The following PFKP variants were observed in gnomAD, a reference collection of about 807,000 sequenced individuals.
PFKP encodes the protein ATP-dependent 6-phosphofructokinase, platelet type.
Under a neutral mutation model 94.3 loss-of-function variants are expected in PFKP, and 101 were observed. That is an observed-to-expected ratio of 1.07 (90% CI 0.91 to 1.26). The LOEUF (loss-of-function observed/expected upper bound fraction) is 1.26, where lower values mean the gene tolerates loss of function less well. PFKP is among the 50% of genes most tolerant of loss of function. The probability of loss-of-function intolerance (pLI) is 0.00; values close to 1 mark genes in which losing one functional copy is unlikely to be tolerated. For missense variants in PFKP, 1,145 were observed against 1,103.3 expected, an observed-to-expected ratio of 1.04 and a Z score of -0.53; for synonymous variants, 573 against 432.6, an observed-to-expected ratio of 1.32 and a Z score of -4.03.
At chr10:3,132,956 G>T (rs1030176769) in intron 18 of PFKP, among the ~76,000 whole-genome samples, 1 of 152,206 alleles carries the variant, frequency 6.6e-6, no homozygotes, top group African/African-American at 2.4e-5. Flanking sequence ...AGAATGGTGT[G>T]CAATTTAAAA....
intron 21 of PFKP, 25 bp downstream of exon 21, chr10:3,135,863 CAAT>C (rs1228898136): frequency 7.3e-7 from 1 of 1,363,242 alleles, no homozygotes; most frequent in Non-Finnish European, 1.1e-6. Context: ...TTCCCTGAGG[CAAT>C]AAGACCCCAA....
rs10903967 is a variant in PFKP, at chr10:3,107,210, A to G, written c.775-4A>G. ...TTGAGAGCTTTAATTTTCTGTCTCC[A>G]CAGAACCGTGCCCGGAAAAAAAGGC... On this transcript the variant is annotated splice_region_variant and splice_polypyrimidine_tract_variant and intron_variant, in intron 7 of 21. Transcript: ENST00000381125. The G allele has an allele frequency of 0.64, 1,008,403 of 1,580,340 alleles. 326,770 individuals carry two copies. Among genetic ancestry groups the G allele is most frequent in the East Asian group, 0.79 (35,132 of 44,408 alleles).
At chr10:3,091,271 AGAT>A (rs1834019778) in intron 2 of PFKP, among the ~76,000 whole-genome samples, 1 of 152,088 alleles carries the variant, frequency 6.6e-6, no homozygotes, top group South Asian at 2.1e-4. Context: ...AGCTTCTTGG[AGAT>A]GATGATACTA....
In PFKP at chr10:3,118,850, T is replaced by C. The variant is rs1323512911; in HGVS notation, c.1511T>C (p.Leu504Pro). The change falls in exon 15 of 22, where the codon CTG (leucine) becomes CCG (proline). Residue 504 changes from leucine to proline, a missense_variant. This residue lies in a region of PFKP where 1,119 missense variants were observed against 1,062.8 expected (regional missense o/e 1.05). Coordinates refer to ENST00000381125, the MANE Select transcript of PFKP (RefSeq NM_002627.5). ...CGCACGCACAGCATCAACGCGCTGCTGATCATCGGTGGATTCGAGGTACGT... is the reference window on the plus strand; with the variant it reads ...CGCACGCACAGCATCAACGCGCTGCCGATCATCGGTGGATTCGAGGTACGT... ...QMRTHSINAL[L>P]IIGGFEAYLG... 6.2e-7 allele frequency: 1 copy of C among 1,612,964 alleles called. No individual in the cohort carries two copies. The highest frequency in any genetic ancestry group is 8.5e-7 in the Non-Finnish European group (1 of 1,179,182).
At chr10:3,124,562 TGA>T (rs1332680563) in intron 16 of PFKP, among the ~76,000 whole-genome samples, 1 of 152,170 alleles carries the variant, frequency 6.6e-6, no homozygotes, top group African/African-American at 2.4e-5. Context: ...GGCGTGGGGC[TGA>T]GTGTGGCCCA....
At position 3,080,576 on chromosome 10, in the gene PFKP, C is replaced by T. The variant is rs184121624; in HGVS notation, c.113-1812C>T. ...AAACTGGTATGGAAAACATCTCGGACGTAGTGTCAAAGTGTAGAAAGAAAT... is the reference window on the plus strand; with the variant it reads ...AAACTGGTATGGAAAACATCTCGGATGTAGTGTCAAAGTGTAGAAAGAAAT... On this transcript the variant is annotated intron_variant, in intron 1 of 21. Transcript: ENST00000381125. 1.2e-3 allele frequency among the ~76,000 whole-genome samples: 181 copies of T among 147,922 alleles called. 1 individual carries two copies. The highest frequency in any genetic ancestry group is 4.4e-3 in the African/African-American group (177 of 40,056).
intron 2 of PFKP, among the ~76,000 whole-genome samples, chr10:3,084,298 G>T (rs973495752): frequency 2.0e-5 from 3 of 152,164 alleles, no homozygotes; most frequent in Admixed American, 2.0e-4. Flanking sequence ...CGCTGTGTGC[G>T]GCGGCCTTCT....
chr10:3,076,591 C>T (rs1426763887), intron 1 of PFKP, among the ~76,000 whole-genome samples: 1 of 152,106 alleles, frequency 6.6e-6, no homozygotes. Flanking sequence ...GCACTTACGG[C>T]CATCCATCCA....
At chr10:3,108,833 G>A (rs754106187) in intron 9 of PFKP, 40 bp downstream of exon 9, 1 of 1,421,646 alleles carries the variant, frequency 7.0e-7, no homozygotes, top group Admixed American at 1.7e-5. Flanking sequence ...AAGGTCTCTA[G>A]GAGGAAGCGT....
chr10:3,077,752 T>G (rs1195786166), intron 1 of PFKP, among the ~76,000 whole-genome samples: 1 of 152,198 alleles, frequency 6.6e-6, no homozygotes, highest in Admixed American at 6.5e-5. Context: ...GAAACCGTCC[T>G]GTGACTCTCT....
intron 20 of PFKP, 74 bp downstream of exon 20, chr10:3,134,656 C>T (rs1036641481): frequency 6.3e-5 from 59 of 934,596 alleles, no homozygotes; most frequent in Middle Eastern, 2.9e-4. Context: ...GCTGTCCTAT[C>T]GGGGAGAAGT....
At chr10:3,103,966 G>A in intron 5 of PFKP, 22 bp downstream of exon 5, 1 of 1,609,588 alleles carries the variant, frequency 6.2e-7, no homozygotes, top group Non-Finnish European at 8.5e-7. Context: ...AGAGGAACCG[G>A]CGGGAGGCCA....
At chr10:3,074,422 T>A (rs963590777) in intron 1 of PFKP, among the ~76,000 whole-genome samples, 3 of 151,694 alleles carry the variant, frequency 2.0e-5, no homozygotes, top group Non-Finnish European at 4.4e-5. Flanking sequence ...TTGCCTTGGG[T>A]GAACTGGGAA....
At chr10:3,123,045 C>T (rs1469615877) in intron 16 of PFKP, among the ~76,000 whole-genome samples, 2 of 152,196 alleles carry the variant, frequency 1.3e-5, no homozygotes, top group African/African-American at 4.8e-5. Flanking sequence ...CGTCCTCTCT[C>T]ATGATTTCCT....
intron 11 of PFKP, 114 bp downstream of exon 11, chr10:3,112,400 A>G: frequency 1.2e-6 from 1 of 816,292 alleles, no homozygotes; most frequent in Non-Finnish European, 2.2e-6. Flanking sequence ...AAAAATCAGA[A>G]AGTCAGGCAG....
intron 7 of PFKP, among the ~76,000 whole-genome samples, chr10:3,105,783 G>A (rs2388572): frequency 0.29 from 44,436 of 151,818 alleles, 6,716 homozygotes; most frequent in East Asian, 0.46. Flanking sequence ...CAGACTTCAG[G>A]CACTGTTGGC....
intron 10 of PFKP, among the ~76,000 whole-genome samples, chr10:3,110,034 A>G (rs1448068342): frequency 1.3e-5 from 2 of 152,076 alleles, no homozygotes; most frequent in Non-Finnish European, 2.9e-5. Context: ...CAGGTCTGTG[A>G]TGGGACACAG....
At chr10:3,130,578 TAG>T (rs368198527) in intron 17 of PFKP, among the ~76,000 whole-genome samples, 551 of 152,256 alleles carry the variant, frequency 3.6e-3, no homozygotes, top group African/African-American at 0.012. Flanking sequence ...TGTCTTTATT[TAG>T]AGAGGGAGTC....
intron 2 of PFKP, among the ~76,000 whole-genome samples, chr10:3,084,800 C>CCCCAGGAGAG (rs1453239471): frequency 1.4e-4 from 21 of 147,052 alleles, no homozygotes; most frequent in Admixed American, 2.0e-4. Context: ...AGTCCTCCAT[C>CCCCAGGAGAG]TCCTCCCCAG....
Sources: gnomAD v4.1 joint callset for allele counts (sites outside exome capture counted in the v4.1 genomes callset) on GRCh38, gnomAD v4.1.1 for gene constraint, gnomAD v4.1.1 regional missense constraint, MANE v1.5 for transcripts, NCBI Gene and HGNC (gene_info 2026-07-23, HGNC 2026-07-21) for gene names.